Variants in ZBTB20 observed in about 807,000 individuals in gnomAD.
ZBTB20 encodes the protein zinc finger and BTB domain-containing protein 20.
A neutral mutation model predicts 56.9 loss-of-function variants in ZBTB20; 9 were observed. The observed-to-expected ratio is 0.16, with a 90% CI of 0.10 to 0.28. The LOEUF (loss-of-function observed/expected upper bound fraction) is 0.28, where lower values mean the gene tolerates loss of function less well. Ranked by LOEUF, ZBTB20 falls within the 10% of genes least tolerant of loss-of-function variation. ZBTB20 has a pLI of 1.00. For synonymous variants in ZBTB20, 417 were observed against 420.7 expected (o/e 0.99, Z 0.11); for missense variants, 655 against 1,003.0 (o/e 0.65, Z 4.69).
intron 6 of ZBTB20, among the ~76,000 whole-genome samples, chr3:114,660,973 T>G (rs2060690957): frequency 6.6e-6 from 1 of 152,072 alleles, no homozygotes; most frequent in African/African-American, 2.4e-5. Flanking sequence ...CCCCATTGCC[T>G]AGGGGCAACT....
At chr3:114,754,244 C>T (rs1420149144) in intron 5 of ZBTB20, among the ~76,000 whole-genome samples, 1 of 152,120 alleles carries the variant, frequency 6.6e-6, no homozygotes, top group African/African-American at 2.4e-5. Context: ...GAGAAAGAGA[C>T]ATGCAAGTTC....
chr3:114,677,178 T>C (rs1224424929), intron 6 of ZBTB20, among the ~76,000 whole-genome samples: 1 of 152,218 alleles, frequency 6.6e-6, no homozygotes, highest in African/African-American at 2.4e-5. Context: ...CACAATGCCA[T>C]ACTACCTGCT....
At chr3:114,527,309 C>T (rs144496001) in intron 6 of ZBTB20, 5 of 152,130 alleles carry the variant, frequency 3.3e-5, no homozygotes, top group Non-Finnish European at 7.3e-5. Flanking sequence ...GCACTCAATC[C>T]AGTGTTGGTT....
intron 4 of ZBTB20, among the ~76,000 whole-genome samples, chr3:114,835,522 G>T (rs1560302387): frequency 6.6e-6 from 1 of 152,146 alleles, no homozygotes; most frequent in Admixed American, 6.5e-5. Flanking sequence ...ATCAAAATCT[G>T]ATGGAACAAT....
intron 4 of ZBTB20, among the ~76,000 whole-genome samples, chr3:114,863,283 G>C (rs1400332222): frequency 1.3e-5 from 2 of 152,088 alleles, no homozygotes; most frequent in East Asian, 1.9e-4. Flanking sequence ...CAAATGATTA[G>C]TTCTGAAATG....
intron 6 of ZBTB20, among the ~76,000 whole-genome samples, chr3:114,576,966 C>A (rs575796617): frequency 6.6e-6 from 1 of 151,958 alleles, no homozygotes; most frequent in Admixed American, 6.5e-5. Flanking sequence ...GATAACAAAA[C>A]ATAATTTAAC....
intron 3 of ZBTB20, among the ~76,000 whole-genome samples, chr3:114,943,756 C>A (rs754825473): frequency 2.1e-5 from 3 of 144,312 alleles, no homozygotes; most frequent in Non-Finnish European, 3.0e-5. Context: ...ATACAAATAT[C>A]TCTAGTCCCA....
intron 4 of ZBTB20, among the ~76,000 whole-genome samples, chr3:114,803,923 A>C (rs2071905993): frequency 6.6e-6 from 1 of 151,854 alleles, no homozygotes; most frequent in South Asian, 2.1e-4. Flanking sequence ...AGTCACATAG[A>C]TCAATCTCAG....
intron 4 of ZBTB20, among the ~76,000 whole-genome samples, chr3:114,877,112 A>G (rs1210842110): frequency 1.3e-5 from 2 of 152,208 alleles, no homozygotes; most frequent in African/African-American, 2.4e-5. Context: ...TTTACTATAT[A>G]ATTGCTAAAT....
chr3:115,070,958 T>C (rs758152328), intron 2 of ZBTB20, among the ~76,000 whole-genome samples: 15 of 151,438 alleles, frequency 9.9e-5, no homozygotes, highest in African/African-American at 3.4e-4. Context: ...AGTAAATCAA[T>C]TCACCTCACT....
At chr3:114,449,459 C>G (rs2091466309) in intron 7 of ZBTB20, among the ~76,000 whole-genome samples, 1 of 151,998 alleles carries the variant, frequency 6.6e-6, no homozygotes, top group African/African-American at 2.4e-5. Flanking sequence ...GAAAGGTAAC[C>G]AAGTGAGGAA....
intron 6 of ZBTB20, among the ~76,000 whole-genome samples, chr3:114,520,702 T>C (rs545148888): frequency 1.3e-5 from 2 of 152,270 alleles, no homozygotes; most frequent in Admixed American, 6.5e-5. Flanking sequence ...CAAATCTGTA[T>C]CTTGAGCCAT....
chr3:115,062,451 C>A (rs900845576), intron 2 of ZBTB20, among the ~76,000 whole-genome samples: 1 of 152,082 alleles, frequency 6.6e-6, no homozygotes, highest in South Asian at 2.1e-4. Flanking sequence ...GGAGAAATAT[C>A]CCCCCTTTCT....
At chr3:114,974,137 A>T (rs2078004077) in intron 3 of ZBTB20, among the ~76,000 whole-genome samples, 1 of 152,004 alleles carries the variant, frequency 6.6e-6, no homozygotes, top group Non-Finnish European at 1.5e-5. Flanking sequence ...TTAGAGCAAC[A>T]CCTAATTAAG....
At chr3:114,393,715 T>C (rs1365720436) in intron 7 of ZBTB20, among the ~76,000 whole-genome samples, 2 of 152,146 alleles carry the variant, frequency 1.3e-5, no homozygotes, top group African/African-American at 4.8e-5. Flanking sequence ...AAAAGATAAT[T>C]TTGAGGGGCT....
At chr3:115,018,231 A>C (rs2080056628) in intron 2 of ZBTB20, among the ~76,000 whole-genome samples, 2 of 151,436 alleles carry the variant, frequency 1.3e-5, no homozygotes, top group Non-Finnish European at 1.5e-5. Flanking sequence ...AAAGAGTTAG[A>C]TCATTGGGTT....
In ZBTB20 at chr3:115,067,070, C is replaced by T. The variant is rs112435065; in HGVS notation, c.-507+4149G>A. On this transcript the variant is annotated intron_variant, in intron 2 of 11. Transcript: ENST00000675478. ...TGACCATAACAATAATAATTAGACT[C>T]TTATCATGTGAAATAATTAAGGAAT... is the stretch of plus-strand genomic sequence containing the variant. 7.7e-3 allele frequency among the ~76,000 whole-genome samples: 1,164 copies of T among 151,984 alleles called. 18 individuals carry two copies. Among genetic ancestry groups the T allele is most frequent in the African/African-American group, 0.026 (1,079 of 41,482 alleles).
intron 4 of ZBTB20, among the ~76,000 whole-genome samples, chr3:114,846,598 AATG>A: frequency 6.6e-6 from 1 of 152,220 alleles, no homozygotes; most frequent in Non-Finnish European, 1.5e-5. Context: ...TTGAGAACTC[AATG>A]ACAAGAGGAT....
At chr3:114,451,075 C>T (rs916046649) in intron 7 of ZBTB20, among the ~76,000 whole-genome samples, 3 of 151,950 alleles carry the variant, frequency 2.0e-5, no homozygotes, top group African/African-American at 4.8e-5. Flanking sequence ...AAATCTCTTA[C>T]TTAATTCTTA....
Sources: gnomAD v4.1 joint callset for allele counts (sites outside exome capture counted in the v4.1 genomes callset) on GRCh38, gnomAD v4.1.1 for gene constraint, MANE v1.5 for transcripts, NCBI Gene and HGNC (gene_info 2026-07-23, HGNC 2026-07-21) for gene names.